MIAT: variants seen among roughly 807,000 people sequenced by gnomAD.
MIAT encodes the protein MI related novel mRNA.
Position 26,658,994 on chromosome 22 carries a change from T to C in MIAT, n.647-4322T>C, listed in dbSNP as rs371025062. ...GTAGACGCAGGGCAGGGATGAGTAA[T>C]TCCACTTGACAGACAGGGAAACCTG... On this transcript the variant is annotated intron_variant and non_coding_transcript_variant, in intron 2 of 5. Transcript: ENST00000643270. Among the ~76,000 whole-genome samples, 14 of 152,264 alleles carry C rather than the reference T, an allele frequency of 9.2e-5. 1 individual carries two copies. The highest frequency in any genetic ancestry group is 3.1e-4 in the African/African-American group (13 of 41,560).
chr22:26,650,916 C>T (rs1210002499), intron 2 of MIAT, among the ~76,000 whole-genome samples: 2 of 152,182 alleles, frequency 1.3e-5, no homozygotes, highest in African/African-American at 4.8e-5. Context: ...GTCACTTTCC[C>T]TCTCTAAGCC....
downstream of MIAT, chr22:26,670,031 G>C (rs1234165925): frequency 2.5e-6 from 1 of 397,802 alleles, no homozygotes; most frequent in African/African-American, 2.1e-5. Flanking sequence ...CCATCCATCT[G>C]GGAGTATAGA....
chr22:26,653,051 C>G (rs773721311), intron 2 of MIAT, among the ~76,000 whole-genome samples: 8 of 152,156 alleles, frequency 5.3e-5, no homozygotes, highest in Non-Finnish European at 1.0e-4. Flanking sequence ...AGGATGCCAG[C>G]TCTACTTCTC....
At chr22:26,671,471 C>T, downstream of MIAT, 1 of 398,810 alleles carries the variant, frequency 2.5e-6, no homozygotes, top group Non-Finnish European at 4.4e-6. Flanking sequence ...GGTGCCTGGC[C>T]TTCTGCCAAC....
chr22:26,676,110 T>A (rs41277339), exon 5 of MIAT: 2 of 398,544 alleles, frequency 5.0e-6, no homozygotes, highest in Non-Finnish European at 8.8e-6. Context: ...ACAGGTGTTA[T>A]AATCCTTTCT....
At chr22:26,662,163 C>G (rs1214931134) in intron 2 of MIAT, among the ~76,000 whole-genome samples, 1 of 151,822 alleles carries the variant, frequency 6.6e-6, no homozygotes, top group Non-Finnish European at 1.5e-5. Flanking sequence ...TGATCTGTTA[C>G]CCAGGCTGAT....
At chr22:26,661,941 T>TCC (rs1569220547) in intron 2 of MIAT, among the ~76,000 whole-genome samples, 1 of 85,136 alleles carries the variant, frequency 1.2e-5, no homozygotes, top group Non-Finnish European at 2.4e-5. Flanking sequence ...TATATATATA[T>TCC]ATATATATAT....
chr22:26,667,327 G>C, intron 5 of MIAT: 2 of 341,288 alleles, frequency 5.9e-6, no homozygotes, highest in Non-Finnish European at 9.7e-6. Flanking sequence ...TCCTCGTCCT[G>C]GGAGCAGTGT....
At chr22:26,666,367 C>T in exon 4 of MIAT, 1 of 398,694 alleles carries the variant, frequency 2.5e-6, no homozygotes, top group Non-Finnish European at 4.4e-6. Context: ...CAGGAAAGGG[C>T]AGGGGAGAAG....
At chr22:26,665,247 A>AAAAG (rs10529015) in intron 3 of MIAT, among the ~76,000 whole-genome samples, 11,613 of 144,080 alleles carry the variant, frequency 0.081, 971 homozygotes, top group African/African-American at 0.22. Flanking sequence ...TCTCCAGAAA[A>AAAAG]AAAGAAAGAA....
chr22:26,672,682 G>A (rs55745076), downstream of MIAT: 4,707 of 399,070 alleles, frequency 0.012, 194 homozygotes, highest in African/African-American at 0.086. Context: ...ATCCCACGAG[G>A]AAGGCAGGAG....
chr22:26,661,941 T>TGGATCTATATAGATCC (rs1569220547), intron 2 of MIAT, among the ~76,000 whole-genome samples: 1 of 85,140 alleles, frequency 1.2e-5, no homozygotes, highest in Non-Finnish European at 2.4e-5. Flanking sequence ...TATATATATA[T>TGGATCTATATAGATCC]ATATATATAT....
intron 2 of MIAT, among the ~76,000 whole-genome samples, chr22:26,655,599 T>C (rs1930414825): frequency 6.6e-6 from 1 of 152,190 alleles, no homozygotes; most frequent in African/African-American, 2.4e-5. Context: ...TATGGACAAG[T>C]AACTGAGGAA....
At chr22:26,673,393 C>A (rs6005126), downstream of MIAT, 2 of 399,026 alleles carry the variant, frequency 5.0e-6, no homozygotes, top group African/African-American at 2.1e-5. Context: ...ATCCCTGCCT[C>A]ACCCTGACTG....
chr22:26,670,611 A>T, downstream of MIAT: 1 of 383,518 alleles, frequency 2.6e-6, no homozygotes. Context: ...TTAAAAAAAA[A>T]AAAAAAAAAA....
downstream of MIAT, chr22:26,671,731 A>G (rs1421808519): frequency 2.5e-6 from 1 of 398,398 alleles, no homozygotes; most frequent in Non-Finnish European, 4.4e-6. Context: ...CACTTCTCTC[A>G]ACCTCAGTTT....
exon 5 of MIAT, chr22:26,674,779 G>A (rs770700605): frequency 7.0e-5 from 28 of 398,666 alleles, no homozygotes; most frequent in Middle Eastern, 6.3e-4. Context: ...AAAGCAGGAA[G>A]CTCACACCTC....
chr22:26,675,393 G>A (rs1466779968), exon 5 of MIAT: 7 of 398,538 alleles, frequency 1.8e-5, no homozygotes, highest in South Asian at 1.3e-4. Context: ...GGGGAGCGAC[G>A]GATATGATCT....
exon 5 of MIAT, chr22:26,676,289 G>A (rs960353624): frequency 2.5e-6 from 1 of 398,486 alleles, no homozygotes; most frequent in African/African-American, 2.1e-5. Context: ...CAGAAAAGAT[G>A]TTTGTTTTCC....
Sources: allele counts gnomAD v4.1 joint callset (sites outside exome capture counted in the v4.1 genomes callset), GRCh38; gene constraint gnomAD v4.1.1; transcripts MANE v1.5; gene names NCBI Gene and HGNC (gene_info 2026-07-23, HGNC 2026-07-21).